SGIP1: variants seen among roughly 807,000 people sequenced by gnomAD.
SGIP1 encodes the protein SH3GL interacting endocytic adaptor 1.
A neutral mutation model predicts 107.5 loss-of-function variants in SGIP1; 38 were observed. That is an observed-to-expected ratio of 0.35 (90% CI 0.27 to 0.46). The LOEUF (loss-of-function observed/expected upper bound fraction) is 0.46, where lower values mean the gene tolerates loss of function less well. Ranked by LOEUF, SGIP1 falls within the 20% of genes least tolerant of loss-of-function variation. The probability of loss-of-function intolerance (pLI) is 1.00; values close to 1 mark genes in which losing one functional copy is unlikely to be tolerated. For missense variants in SGIP1, 929 were observed against 1,019.5 expected (o/e 0.91, Z 1.21); for synonymous variants, 365 against 366.1 (o/e 1.00, Z 0.03).
intron 18 of SGIP1, among the ~76,000 whole-genome samples, chr1:66,717,107 C>T (rs2093291094): frequency 6.6e-6 from 1 of 152,140 alleles, no homozygotes; most frequent in Non-Finnish European, 1.5e-5. Context: ...GAGCTTTGCT[C>T]ATTCTTTGAA....
At chr1:66,547,810 G>A (rs1454755594) in intron 1 of SGIP1, among the ~76,000 whole-genome samples, 1 of 152,170 alleles carries the variant, frequency 6.6e-6, no homozygotes, top group Non-Finnish European at 1.5e-5. Context: ...TCGTGGTGGA[G>A]AATGGGAGGG....
intron 2 of SGIP1, among the ~76,000 whole-genome samples, chr1:66,629,823 G>T (rs1168848447): frequency 1.3e-5 from 2 of 152,274 alleles, no homozygotes; most frequent in South Asian, 2.1e-4. Flanking sequence ...GGGTCATAGT[G>T]TATAAAAATT....
At chr1:66,629,165 A>C (rs2073664009) in intron 2 of SGIP1, among the ~76,000 whole-genome samples, 1 of 152,178 alleles carries the variant, frequency 6.6e-6, no homozygotes, top group Non-Finnish European at 1.5e-5. Flanking sequence ...GCTACAACTC[A>C]CTGTGGGTTG....
chr1:66,557,571 C>T (rs1442425636), intron 1 of SGIP1, among the ~76,000 whole-genome samples: 1 of 152,046 alleles, frequency 6.6e-6, no homozygotes, highest in Admixed American at 6.6e-5. Context: ...CATCAGGGAA[C>T]TGGGTCACTT....
At chr1:66,739,641 G>A (rs2094383674) in intron 22 of SGIP1, 104 bp downstream of exon 22, 16 of 1,180,634 alleles carry the variant, frequency 1.4e-5, no homozygotes, top group Non-Finnish European at 1.9e-5. Flanking sequence ...CAGCAGGCCT[G>A]TGCATTAGGG....
intron 1 of SGIP1, among the ~76,000 whole-genome samples, chr1:66,602,063 T>C (rs1302106360): frequency 6.6e-6 from 1 of 152,196 alleles, no homozygotes; most frequent in East Asian, 1.9e-4. Flanking sequence ...CAGGTGTACA[T>C]AGAGGAGACT....
chr1:66,676,129 TA>T (rs2085263141), intron 12 of SGIP1, among the ~76,000 whole-genome samples: 1 of 152,234 alleles, frequency 6.6e-6, no homozygotes, highest in African/African-American at 2.4e-5. Flanking sequence ...CATAACTCTC[TA>T]AGGTTGCTTT....
chr1:66,640,778 TAA>T (rs58535961), intron 5 of SGIP1, among the ~76,000 whole-genome samples: 2 of 141,332 alleles, frequency 1.4e-5, no homozygotes, highest in Non-Finnish European at 1.5e-5. Flanking sequence ...ACACTTGTAT[TAA>T]AAAAAAAAAA....
chr1:66,584,213 T>C (rs1040232870), intron 1 of SGIP1, among the ~76,000 whole-genome samples: 20 of 152,132 alleles, frequency 1.3e-4, no homozygotes, highest in African/African-American at 4.6e-4. Flanking sequence ...CTATATCTAG[T>C]ATAGGTGCTA....
intron 17 of SGIP1, 148 bp downstream of exon 17, chr1:66,690,464 C>A: frequency 1.8e-6 from 2 of 1,127,620 alleles, no homozygotes; most frequent in Non-Finnish European, 2.5e-6. Flanking sequence ...TTAAAACCAC[C>A]TTCTCAGCAA....
chr1:66,724,213 A>G (rs532148809), intron 19 of SGIP1, among the ~76,000 whole-genome samples: 1 of 152,308 alleles, frequency 6.6e-6, no homozygotes, highest in South Asian at 2.1e-4. Context: ...TCCAGTGTAT[A>G]AGTCACTTGG....
At chr1:66,547,856 GT>G (rs1191329560) in intron 1 of SGIP1, among the ~76,000 whole-genome samples, 1 of 152,124 alleles carries the variant, frequency 6.6e-6, no homozygotes, top group East Asian at 1.9e-4. Context: ...GTAATGGAAG[GT>G]TTTTCTGAGA....
At chr1:66,556,186 C>T (rs1322216580) in intron 1 of SGIP1, among the ~76,000 whole-genome samples, 1 of 152,138 alleles carries the variant, frequency 6.6e-6, no homozygotes, top group Non-Finnish European at 1.5e-5. Flanking sequence ...TCAGCTCTTG[C>T]TTATTCATAA....
At chr1:66,536,385 AAGCCTTATTATCTTAAT>A (rs1397435097) in intron 1 of SGIP1, among the ~76,000 whole-genome samples, 2 of 152,224 alleles carry the variant, frequency 1.3e-5, no homozygotes, top group Non-Finnish European at 2.9e-5. Context: ...AAATGTTTTT[AAGCCTTATTATCTTAAT>A]AGTTCGGTGA....
chr1:66,663,081 T>A (rs909222525), intron 8 of SGIP1, among the ~76,000 whole-genome samples: 6 of 150,136 alleles, frequency 4.0e-5, no homozygotes, highest in African/African-American at 1.5e-4. Flanking sequence ...AAAAAAAAAA[T>A]CTGGATGCTC....
chr1:66,558,508 C>T (rs976971610), intron 1 of SGIP1, among the ~76,000 whole-genome samples: 2 of 151,684 alleles, frequency 1.3e-5, no homozygotes, highest in Non-Finnish European at 2.9e-5. Flanking sequence ...GTATATAATA[C>T]TAAACAACCC....
intron 3 of SGIP1, among the ~76,000 whole-genome samples, chr1:66,634,531 C>T (rs912028649): frequency 2.6e-5 from 4 of 152,102 alleles, no homozygotes; most frequent in African/African-American, 4.8e-5. Flanking sequence ...ATTCTGGGGA[C>T]GCATCCCCCC....
chr1:66,646,466 CT>C (rs1304077814), intron 7 of SGIP1, among the ~76,000 whole-genome samples: 4 of 152,162 alleles, frequency 2.6e-5, no homozygotes, highest in African/African-American at 9.7e-5. Flanking sequence ...CGTTGGACTT[CT>C]GATTTATGTT....
rs559684798 is a variant in SGIP1, at chr1:66,660,043, G to T, written c.460-470G>T. ...GGAAGGAAGGAAGGAAGGAAGGAAA[G>T]AAAGAAAGAAAAGAAAGAAAGGAAG... is the stretch of plus-strand genomic sequence containing the variant. On this transcript the variant is annotated intron_variant, in intron 7 of 24. Coordinates refer to ENST00000371037, the MANE Select transcript of SGIP1 (RefSeq NM_032291.4). The T allele has an allele frequency of 1.2e-4, 13 of 108,092 alleles. No individual in the cohort carries two copies. In the South Asian group the frequency reaches 2.6e-3, roughly 22 times the overall value. 6.7% of individuals were successfully genotyped at this position (108,092 alleles called of 1,614,324 possible). A position where few individuals can be genotyped will look rare whatever the true frequency, so the allele number is the denominator to read the frequency against.
Sources: gnomAD v4.1 joint callset for allele counts (sites outside exome capture counted in the v4.1 genomes callset) on GRCh38, gnomAD v4.1.1 for gene constraint, MANE v1.5 for transcripts, NCBI Gene and HGNC (gene_info 2026-07-23, HGNC 2026-07-21) for gene names.